MMP16: variants seen among roughly 807,000 people sequenced by gnomAD.
The protein encoded by MMP16 is matrix metalloproteinase-16.
MMP16 carries 12 observed loss-of-function variants against 67.8 expected under a neutral mutation model. The observed-to-expected ratio is 0.18, with a 90% CI of 0.11 to 0.29. MMP16 has a LOEUF of 0.29. Among genes scored for constraint, MMP16 ranks in the 10% least tolerant of loss-of-function variants. The pLI, the probability that MMP16 is intolerant of heterozygous loss-of-function variation, is 1.00. For missense variants in MMP16, 475 were observed against 765.7 expected (o/e 0.62, Z 4.48); for synonymous variants, 249 against 255.9 (o/e 0.97, Z 0.26).
chr8:88,122,107 T>C (rs1346699608), intron 4 of MMP16, among the ~76,000 whole-genome samples: 5 of 152,082 alleles, frequency 3.3e-5, no homozygotes, highest in Non-Finnish European at 5.9e-5. Flanking sequence ...TTGCACTGCT[T>C]ACATTTTTGT....
chr8:88,163,282 G>A (rs576291696), intron 4 of MMP16, among the ~76,000 whole-genome samples: 7 of 152,120 alleles, frequency 4.6e-5, no homozygotes, highest in Non-Finnish European at 1.0e-4. Flanking sequence ...TCAGGAATGA[G>A]TGGGTTTGGA....
At chr8:88,178,215 A>C (rs1193284867) in intron 3 of MMP16, among the ~76,000 whole-genome samples, 1 of 152,230 alleles carries the variant, frequency 6.6e-6, no homozygotes, top group Non-Finnish European at 1.5e-5. Context: ...GGCTGAAGAG[A>C]TAAAGCAAGC....
At chr8:88,290,513 A>G (rs991291267) in intron 1 of MMP16, among the ~76,000 whole-genome samples, 1 of 152,128 alleles carries the variant, frequency 6.6e-6, no homozygotes, top group Admixed American at 6.6e-5. Context: ...ATATTGTGCC[A>G]CTGAACTCCA....
intron 1 of MMP16, among the ~76,000 whole-genome samples, chr8:88,244,090 C>T (rs770739089): frequency 5.3e-5 from 8 of 151,700 alleles, no homozygotes; most frequent in Non-Finnish European, 8.8e-5. Context: ...ATTAAGCTGA[C>T]GTGTTTCCTT....
At chr8:88,140,922 T>A (rs1808201374) in intron 4 of MMP16, among the ~76,000 whole-genome samples, 2 of 152,204 alleles carry the variant, frequency 1.3e-5, no homozygotes, top group African/African-American at 4.8e-5. Context: ...GGAGGTTCTA[T>A]GTGAAAAGTC....
At chr8:88,096,285 A>G (rs1247567587) in intron 6 of MMP16, among the ~76,000 whole-genome samples, 2 of 151,942 alleles carry the variant, frequency 1.3e-5, no homozygotes, top group African/African-American at 4.8e-5. Context: ...TATGGAAGAT[A>G]TATTTTAAAA....
At chr8:88,065,783 G>A (rs1808456354) in intron 7 of MMP16, among the ~76,000 whole-genome samples, 1 of 152,028 alleles carries the variant, frequency 6.6e-6, no homozygotes, top group Non-Finnish European at 1.5e-5. Context: ...GAATTTGTGA[G>A]CAGCATAAAG....
At position 88,041,806 on chromosome 8, in the gene MMP16, AAACAT is replaced by A. The variant is rs779385399; in HGVS notation, c.1490-16_1490-12del. On this transcript the variant is annotated splice_polypyrimidine_tract_variant and intron_variant, in intron 9 of 9. Transcript: ENST00000286614. This position sits in a 1 kb window ranked among gnomAD's most constrained non-coding sequence, Gnocchi z 6.0. ...AGAAATACGTAAAGCCTAGGGGGAAAAACATACACACACACAGGTACCACTTATTT... is the reference window on the plus strand; with the variant it reads ...AGAAATACGTAAAGCCTAGGGGGAAAACACACACACAGGTACCACTTATTT... 3 of 1,573,400 alleles carry A rather than the reference AAACAT, an allele frequency of 1.9e-6. No homozygotes were observed. Among genetic ancestry groups the A allele is most frequent in the African/African-American group, 2.7e-5 (2 of 73,450 alleles).
chr8:88,180,054 G>A (rs1808954015), intron 3 of MMP16, among the ~76,000 whole-genome samples: 1 of 152,184 alleles, frequency 6.6e-6, no homozygotes, highest in Admixed American at 6.5e-5. Flanking sequence ...GGCCGAGGCA[G>A]GCGGATCACC....
intron 4 of MMP16, among the ~76,000 whole-genome samples, chr8:88,147,420 C>T (rs1586174539): frequency 6.6e-6 from 1 of 152,112 alleles, no homozygotes; most frequent in East Asian, 1.9e-4. Context: ...TTAATGTGTG[C>T]ATGCAATGTT....
chr8:88,222,855 T>G (rs1210647697), intron 1 of MMP16, among the ~76,000 whole-genome samples: 1 of 152,032 alleles, frequency 6.6e-6, no homozygotes, highest in Non-Finnish European at 1.5e-5. Flanking sequence ...GGGATCTAAT[T>G]AAACTAAAGA....
chr8:88,160,510 T>C (rs543902672), intron 4 of MMP16, among the ~76,000 whole-genome samples: 4 of 151,928 alleles, frequency 2.6e-5, no homozygotes, highest in African/African-American at 7.3e-5. Flanking sequence ...GACATTTATG[T>C]AGCCAAAAAA....
At chr8:88,180,262 C>T (rs1365013766) in intron 3 of MMP16, among the ~76,000 whole-genome samples, 1 of 147,288 alleles carries the variant, frequency 6.8e-6, no homozygotes, top group Non-Finnish European at 1.5e-5. Flanking sequence ...GCCTGGGCAA[C>T]AAGAGTGAAA....
At position 88,161,156 on chromosome 8, in the gene MMP16, G is replaced by A. The variant is rs184968566; in HGVS notation, c.709+6513C>T. Reference sequence around the variant, plus strand: ...CCTCCTTGTACCTCTGGTAGAATTCGGCTGTGAATCCGTCTGGTCCTGGAG... The same window carrying A: ...CCTCCTTGTACCTCTGGTAGAATTCAGCTGTGAATCCGTCTGGTCCTGGAG... On this transcript the variant is annotated intron_variant, in intron 4 of 9. Transcript: ENST00000286614. Among the ~76,000 whole-genome samples, 357 of 152,192 alleles carry A rather than the reference G, an allele frequency of 2.3e-3. 6 individuals carry two copies. Among genetic ancestry groups the A allele is most frequent in the East Asian group, 0.023 (118 of 5,170 alleles).
At position 88,232,253 on chromosome 8, in the gene MMP16, A is replaced by G. The variant is rs1357628245; in HGVS notation, c.133-34947T>C. On this transcript the variant is annotated intron_variant, in intron 1 of 9. Transcript: ENST00000286614. ...GATTTTGTAAGAAATTCGGTTTTAC[A>G]TCTTTAATTGCATTGACTTAACAAT... 2.0e-5 allele frequency among the ~76,000 whole-genome samples: 3 copies of G among 152,192 alleles called. No homozygotes were observed. In the East Asian group the frequency reaches 5.8e-4, roughly 29 times the overall value.
At chr8:88,298,150 TA>T (rs993439259) in intron 1 of MMP16, among the ~76,000 whole-genome samples, 5 of 152,104 alleles carry the variant, frequency 3.3e-5, no homozygotes, top group African/African-American at 1.2e-4. Flanking sequence ...AGAAAGGTAA[TA>T]AAAGATCACC....
chr8:88,310,453 T>C (rs1190377859), intron 1 of MMP16, among the ~76,000 whole-genome samples: 1 of 152,122 alleles, frequency 6.6e-6, no homozygotes, highest in East Asian at 1.9e-4. Context: ...TGTCATCCAG[T>C]ATGGGCTAAA....
intron 1 of MMP16, among the ~76,000 whole-genome samples, chr8:88,204,703 A>G (rs1809399054): frequency 6.6e-6 from 1 of 152,188 alleles, no homozygotes; most frequent in African/African-American, 2.4e-5. Flanking sequence ...AAGATGTACA[A>G]TAAAAAGTGT....
At chr8:88,298,306 T>G (rs988860286) in intron 1 of MMP16, among the ~76,000 whole-genome samples, 3 of 152,210 alleles carry the variant, frequency 2.0e-5, no homozygotes, top group Admixed American at 2.0e-4. Context: ...CATGTGACTA[T>G]CAAAGTGTAG....
Sources: allele counts gnomAD v4.1 joint callset (sites outside exome capture counted in the v4.1 genomes callset), GRCh38; gene constraint gnomAD v4.1.1; non-coding constraint Gnocchi (gnomAD v3.1); transcripts MANE v1.5; gene names NCBI Gene and HGNC (gene_info 2026-07-23, HGNC 2026-07-21).